Variants in CACNA2D3 observed in about 807,000 individuals in gnomAD.
The protein encoded by CACNA2D3 is voltage-dependent calcium channel subunit alpha-2/delta-3.
A neutral mutation model predicts 160.6 loss-of-function variants in CACNA2D3; 60 were observed. The observed-to-expected ratio is 0.37, with a 90% CI of 0.30 to 0.46. The LOEUF is 0.46. Ranked by LOEUF, CACNA2D3 falls within the 20% of genes least tolerant of loss-of-function variation. The pLI is 1.00. For synonymous variants in CACNA2D3, 558 were observed against 492.9 expected (o/e 1.13, Z -1.75); for missense variants, 1,205 against 1,365.0 (o/e 0.88, Z 1.85).
chr3:54,816,995 C>T (rs976403454), intron 14 of CACNA2D3, 125 bp downstream of exon 14: 5 of 1,138,738 alleles, frequency 4.4e-6, no homozygotes, highest in Non-Finnish European at 6.4e-6. Context: ...GCTTCAGAAA[C>T]CTGAAGTTGG....
At chr3:54,969,261 A>ATTTTTTTTTTTTTTTTT (rs139722160) in intron 28 of CACNA2D3, among the ~76,000 whole-genome samples, 1 of 127,796 alleles carries the variant, frequency 7.8e-6, no homozygotes. Context: ...CATAAAGTAG[A>ATTTTTTTTTTTTTTTTT]CTTTTTTTTT....
intron 4 of CACNA2D3, among the ~76,000 whole-genome samples, chr3:54,488,658 C>T (rs1025902742): frequency 6.6e-6 from 1 of 152,136 alleles, no homozygotes; most frequent in Non-Finnish European, 1.5e-5. Flanking sequence ...TCCCTTCTCT[C>T]TTTCTTCGCA....
At chr3:54,639,110 G>C (rs1305873147) in intron 10 of CACNA2D3, 1 of 151,582 alleles carries the variant, frequency 6.6e-6, no homozygotes, top group Non-Finnish European at 1.5e-5. Flanking sequence ...TAAGGGATTG[G>C]GGCACAGAGA....
chr3:54,756,921 T>C (rs1701982037), intron 12 of CACNA2D3, among the ~76,000 whole-genome samples: 1 of 152,126 alleles, frequency 6.6e-6, no homozygotes, highest in African/African-American at 2.4e-5. Context: ...TATGCATAAG[T>C]AGGTCCTGTC....
chr3:54,998,189 C>T (rs950970726), intron 31 of CACNA2D3, among the ~76,000 whole-genome samples: 35 of 141,590 alleles, frequency 2.5e-4, no homozygotes, highest in Non-Finnish European at 2.7e-4. Context: ...GGCTGGAGTG[C>T]GGTGGCACAA....
chr3:54,164,485 A>T (rs1700412522), intron 2 of CACNA2D3, among the ~76,000 whole-genome samples: 1 of 152,112 alleles, frequency 6.6e-6, no homozygotes, highest in Non-Finnish European at 1.5e-5. Context: ...TTGTCATTTT[A>T]CTTTCTCAAC....
At chr3:54,436,900 G>C (rs1000766415) in intron 4 of CACNA2D3, among the ~76,000 whole-genome samples, 4 of 151,996 alleles carry the variant, frequency 2.6e-5, no homozygotes, top group African/African-American at 4.8e-5. Flanking sequence ...ACCTATGAAA[G>C]GTATACACAT....
At chr3:54,543,277 C>T (rs1702010278) in intron 5 of CACNA2D3, among the ~76,000 whole-genome samples, 1 of 152,150 alleles carries the variant, frequency 6.6e-6, no homozygotes, top group East Asian at 1.9e-4. Context: ...GTAATAATCC[C>T]ATCTTAGTAC....
intron 31 of CACNA2D3, among the ~76,000 whole-genome samples, chr3:55,002,879 G>T (rs189368596): frequency 6.6e-6 from 1 of 152,146 alleles, no homozygotes. Context: ...GGTAATGTCC[G>T]TAAGTTACTG....
At chr3:55,005,767 GA>G (rs1333428303) in intron 32 of CACNA2D3, among the ~76,000 whole-genome samples, 4 of 151,662 alleles carry the variant, frequency 2.6e-5, no homozygotes, top group African/African-American at 9.7e-5. Context: ...TAAAAACACA[GA>G]AAAAAAACCA....
At chr3:54,771,805 G>C (rs1702327535) in intron 13 of CACNA2D3, among the ~76,000 whole-genome samples, 2 of 152,102 alleles carry the variant, frequency 1.3e-5, no homozygotes, top group African/African-American at 4.8e-5. Flanking sequence ...GAGGGAATTT[G>C]ATGGGGTGTG....
chr3:54,673,399 T>C (rs139772793), intron 11 of CACNA2D3, among the ~76,000 whole-genome samples: 5 of 152,228 alleles, frequency 3.3e-5, no homozygotes, highest in African/African-American at 1.2e-4. Flanking sequence ...GAGGAGAATA[T>C]GTCATTCTTC....
intron 13 of CACNA2D3, among the ~76,000 whole-genome samples, chr3:54,782,690 C>G (rs1702558291): frequency 6.6e-6 from 1 of 151,764 alleles, no homozygotes; most frequent in Non-Finnish European, 1.5e-5. Flanking sequence ...TCATGCCATG[C>G]TTGAGAAAAA....
At chr3:54,450,928 T>C (rs969760237) in intron 4 of CACNA2D3, among the ~76,000 whole-genome samples, 2 of 152,256 alleles carry the variant, frequency 1.3e-5, no homozygotes, top group East Asian at 3.9e-4. Context: ...AGTTATCTGC[T>C]TTTGAAATAC....
chr3:54,384,681 A>G (rs528006349), intron 3 of CACNA2D3, among the ~76,000 whole-genome samples: 1 of 152,092 alleles, frequency 6.6e-6, no homozygotes, highest in Admixed American at 6.6e-5. Context: ...AAAGAATTTT[A>G]TGTCTTAAAG....
At chr3:54,126,028 A>G (rs1295570805) in intron 2 of CACNA2D3, among the ~76,000 whole-genome samples, 2 of 152,220 alleles carry the variant, frequency 1.3e-5, no homozygotes, top group African/African-American at 2.4e-5. Flanking sequence ...TGACAATACT[A>G]TGTTGTATAA....
chr3:54,345,283 G>T (rs773747020), intron 3 of CACNA2D3, among the ~76,000 whole-genome samples: 1 of 152,180 alleles, frequency 6.6e-6, no homozygotes, highest in East Asian at 1.9e-4. Flanking sequence ...CCCCTTTCCT[G>T]TAACACAACC....
intron 5 of CACNA2D3, among the ~76,000 whole-genome samples, chr3:54,504,396 G>A (rs1316894799): frequency 2.6e-5 from 4 of 152,114 alleles, no homozygotes; most frequent in East Asian, 3.9e-4. Flanking sequence ...CCTTGGGCAC[G>A]TCACCTCATC....
chr3:54,897,361 G>A (rs147538357), intron 26 of CACNA2D3, among the ~76,000 whole-genome samples: 2,209 of 152,244 alleles, frequency 0.015, 59 homozygotes, highest in African/African-American at 0.047. Flanking sequence ...GCATGTAGCC[G>A]ATTAGTTTTT....
Sources: allele counts gnomAD v4.1 joint callset (sites outside exome capture counted in the v4.1 genomes callset), GRCh38; gene constraint gnomAD v4.1.1; transcripts MANE v1.5; gene names NCBI Gene and HGNC (gene_info 2026-07-23, HGNC 2026-07-21).